The following RNGTT variants were observed in gnomAD, a reference collection of about 807,000 sequenced individuals.
RNGTT encodes RNA guanylyltransferase and 5'-phosphatase.
RNGTT carries 33 observed loss-of-function variants against 79.3 expected under a neutral mutation model. The observed-to-expected ratio is 0.42, with a 90% CI of 0.32 to 0.56. RNGTT has a LOEUF of 0.56. Ranked by LOEUF, RNGTT falls within the 20% of genes least tolerant of loss-of-function variation. The probability of loss-of-function intolerance (pLI) is 0.17; values close to 1 mark genes in which losing one functional copy is unlikely to be tolerated. For missense variants in RNGTT, 497 were observed against 739.1 expected, an observed-to-expected ratio of 0.67 and a Z score of 3.80; for synonymous variants, 222 against 235.9, an observed-to-expected ratio of 0.94 and a Z score of 0.54.
At chr6:88,828,758 C>T (rs191400326) in intron 11 of RNGTT, among the ~76,000 whole-genome samples, 1 of 151,360 alleles carries the variant, frequency 6.6e-6, no homozygotes, top group Non-Finnish European at 1.5e-5. Context: ...TATCAACAGC[C>T]GAATCTATCA....
intron 6 of RNGTT, among the ~76,000 whole-genome samples, chr6:88,902,748 T>C (rs1292032162): frequency 2.3e-5 from 3 of 131,486 alleles, no homozygotes; most frequent in African/African-American, 9.0e-5. Flanking sequence ...CCAGGCTGGG[T>C]ACAGTGGCGC....
intron 8 of RNGTT, among the ~76,000 whole-genome samples, chr6:88,873,345 T>G (rs1414901210): frequency 2.6e-5 from 4 of 152,156 alleles, no homozygotes; most frequent in Non-Finnish European, 5.9e-5. Flanking sequence ...AGTATTCTCA[T>G]AGAGATTCAA....
intron 1 of RNGTT, among the ~76,000 whole-genome samples, chr6:88,949,259 T>C (rs1325725395): frequency 9.1e-6 from 1 of 109,788 alleles, no homozygotes; most frequent in Non-Finnish European, 1.8e-5. Context: ...ATAATCAGTC[T>C]TTTTTTTTTT....
rs905039358 is a variant in RNGTT at position 88,870,336 on chromosome 6, C to T, written c.897-16572G>A. Among the ~76,000 whole-genome samples the T allele has an allele frequency of 2.0e-5, 3 of 151,838 alleles. No homozygotes were observed. The South Asian group carries it at 6.3e-4, about 32-fold the overall frequency. Reference sequence around the variant, plus strand: ...AAACATATGGTTATAGAATTTTTTCCCCAAAATATATCATTAGGGCACATA... The same window carrying T: ...AAACATATGGTTATAGAATTTTTTCTCCAAAATATATCATTAGGGCACATA... On this transcript the variant is annotated intron_variant, in intron 8 of 15. Coordinates refer to ENST00000369485, the MANE Select transcript of RNGTT (RefSeq NM_003800.5).
intron 14 of RNGTT, among the ~76,000 whole-genome samples, chr6:88,647,162 T>A (rs1773597448): frequency 6.6e-6 from 1 of 152,060 alleles, no homozygotes; most frequent in South Asian, 2.1e-4. Context: ...AACACCAGAG[T>A]ACAGGTTTCT....
At chr6:88,833,619 G>A (rs1780956216) in intron 11 of RNGTT, among the ~76,000 whole-genome samples, 1 of 152,142 alleles carries the variant, frequency 6.6e-6, no homozygotes, top group African/African-American at 2.4e-5. Flanking sequence ...ACAGTCATGT[G>A]ATCTATGTCA....
In RNGTT at chr6:88,629,997, G is replaced by A. The variant is rs375721311; in HGVS notation, c.1507-15602C>T. 1.6e-4 allele frequency among the ~76,000 whole-genome samples: 25 copies of A among 152,154 alleles called. No homozygotes were observed. The East Asian group carries it at 3.9e-3, about 24-fold the overall frequency. ...CACCATGTGAGTCTTTGAAGAATGC[G>A]CCCCCTACCAATGCCATGCTGTGCC... is the stretch of plus-strand genomic sequence containing the variant. On this transcript the variant is annotated intron_variant, in intron 14 of 15. Transcript: ENST00000369485.
At chr6:88,765,764 A>G (rs1778438890) in intron 13 of RNGTT, among the ~76,000 whole-genome samples, 1 of 152,168 alleles carries the variant, frequency 6.6e-6, no homozygotes, top group Non-Finnish European at 1.5e-5. Context: ...ATATACCAGT[A>G]TATATACTGT....
chr6:88,888,727 G>A (rs1782947147), intron 8 of RNGTT, among the ~76,000 whole-genome samples: 1 of 152,062 alleles, frequency 6.6e-6, no homozygotes, highest in Non-Finnish European at 1.5e-5. Context: ...AGTACACAAA[G>A]CATTAATAAT....
At chr6:88,832,108 C>A (rs1228790519) in intron 11 of RNGTT, among the ~76,000 whole-genome samples, 1 of 152,152 alleles carries the variant, frequency 6.6e-6, no homozygotes, top group East Asian at 1.9e-4. Context: ...TCATATGGAA[C>A]CAAAAATGAG....
intron 11 of RNGTT, among the ~76,000 whole-genome samples, chr6:88,803,694 T>G (rs1163594998): frequency 1.3e-5 from 2 of 150,630 alleles, no homozygotes; most frequent in Non-Finnish European, 2.9e-5. Flanking sequence ...TAAAAAAATG[T>G]AACCTTTAAT....
intron 8 of RNGTT, among the ~76,000 whole-genome samples, chr6:88,865,535 T>G (rs1275840185): frequency 6.6e-6 from 1 of 152,064 alleles, no homozygotes; most frequent in Non-Finnish European, 1.5e-5. Flanking sequence ...CACCCAAACA[T>G]ATAAACATAT....
In RNGTT at chr6:88,839,877, T is replaced by C. The variant is rs555041429; in HGVS notation, c.1269+4480A>G. 1.7e-4 allele frequency among the ~76,000 whole-genome samples: 26 copies of C among 152,322 alleles called. No individual in the cohort carries two copies. In the South Asian group the frequency reaches 4.3e-3, roughly 25 times the overall value. Reference sequence around the variant, plus strand: ...TTTTGGATGTTGTATTCTGACTGTATATTAAAGTTAAAAACTGAACAATTA... The same window carrying C: ...TTTTGGATGTTGTATTCTGACTGTACATTAAAGTTAAAAACTGAACAATTA... On this transcript the variant is annotated intron_variant, in intron 11 of 15. Transcript: ENST00000369485.
intron 14 of RNGTT, among the ~76,000 whole-genome samples, chr6:88,669,499 G>A (rs781205457): frequency 1.1e-4 from 17 of 152,302 alleles, no homozygotes; most frequent in Admixed American, 8.5e-4. Flanking sequence ...CACCATCCCC[G>A]TAGGAAGCTC....
chr6:88,773,221 C>CA (rs1431613764), intron 12 of RNGTT, among the ~76,000 whole-genome samples: 5 of 149,030 alleles, frequency 3.4e-5, no homozygotes, highest in African/African-American at 1.2e-4. Flanking sequence ...ATCGCAAGAA[C>CA]AAAAAAACAA....
Position 88,906,393 on chromosome 6 carries a change from C to T in RNGTT, c.415G>A (p.Ala139Thr). 6.2e-7 allele frequency: 1 copy of T among 1,601,568 alleles called. No homozygotes were observed. The highest frequency in any genetic ancestry group is 1.7e-5 in the Admixed American group (1 of 57,382). Reference protein sequence around the residue: ...GFNRTGFLICAFLVEKMDWSI... With the variant: ...GFNRTGFLICTFLVEKMDWSI... ...CAATCCATTTTCTCCACCAAAAAGG[C>T]ACATATGAGGAAACCAGTGCGATTG... is the stretch of plus-strand genomic sequence containing the variant. Residue 139 changes from alanine to threonine, a missense_variant, in exon 5 of 16, where the codon GCC becomes ACC. Physicochemically the swap from Ala to Thr is moderately conservative, Grantham distance 58 (BLOSUM62 0). This residue lies in a region of RNGTT where 440 missense variants were observed against 671.5 expected (regional missense o/e 0.66). Transcript: ENST00000369485.
chr6:88,813,777 T>C (rs1050819112), intron 11 of RNGTT, among the ~76,000 whole-genome samples: 7 of 152,314 alleles, frequency 4.6e-5, no homozygotes, highest in East Asian at 3.9e-4. Flanking sequence ...GTCTAGGTTA[T>C]ATGCTCCTTC....
At chr6:88,937,327 A>G (rs1287441347) in intron 2 of RNGTT, among the ~76,000 whole-genome samples, 1 of 152,012 alleles carries the variant, frequency 6.6e-6, no homozygotes, top group Admixed American at 6.6e-5. Flanking sequence ...CCTAGGCAAC[A>G]AGAGCAAAAC....
intron 11 of RNGTT, among the ~76,000 whole-genome samples, chr6:88,812,726 T>C (rs1250900384): frequency 6.6e-6 from 1 of 152,218 alleles, no homozygotes. Flanking sequence ...AAATTCAACA[T>C]TGTTTACATA....
Sources: gnomAD v4.1 joint callset for allele counts (sites outside exome capture counted in the v4.1 genomes callset) on GRCh38, gnomAD v4.1.1 for gene constraint, gnomAD v4.1.1 regional missense constraint, MANE v1.5 for transcripts, NCBI Gene and HGNC (gene_info 2026-07-23, HGNC 2026-07-21) for gene names.